NCKAP5: variants seen among roughly 807,000 people sequenced by gnomAD.
The protein encoded by NCKAP5 is NCK associated protein 5, also known as nck-associated protein 5.
In NCKAP5, 92 loss-of-function variants were observed where a neutral mutation model predicts 167.0. That is an observed-to-expected ratio of 0.55 (90% CI 0.47 to 0.66). NCKAP5 has a LOEUF of 0.66. Ranked by LOEUF, NCKAP5 falls within the 30% of genes least tolerant of loss-of-function variation. The pLI, the probability that NCKAP5 is intolerant of heterozygous loss-of-function variation, is 0.00. For synonymous variants in NCKAP5, 891 were observed against 877.4 expected (o/e 1.02, Z -0.27); for missense variants, 2,378 against 2,315.0 (o/e 1.03, Z -0.56).
At chr2:132,756,883 T>C (rs1680600391) in intron 16 of NCKAP5, among the ~76,000 whole-genome samples, 1 of 152,180 alleles carries the variant, frequency 6.6e-6, no homozygotes, top group South Asian at 2.1e-4. Context: ...CTTTAAAATA[T>C]ATTTCCCCTC....
intron 2 of NCKAP5, among the ~76,000 whole-genome samples, chr2:133,553,264 C>T (rs781386542): frequency 7.2e-5 from 11 of 152,160 alleles, no homozygotes; most frequent in Admixed American, 4.6e-4. Flanking sequence ...TCGCACTGGG[C>T]GCTCTATGCA....
At chr2:133,076,891 T>A (rs1360581789) in intron 6 of NCKAP5, among the ~76,000 whole-genome samples, 2 of 152,162 alleles carry the variant, frequency 1.3e-5, no homozygotes, top group Non-Finnish European at 1.5e-5. Context: ...ACTGACCACC[T>A]CTTTCTGCAG....
intron 18 of NCKAP5, among the ~76,000 whole-genome samples, chr2:132,725,967 C>G (rs1188678260): frequency 6.6e-6 from 1 of 152,136 alleles, no homozygotes; most frequent in Non-Finnish European, 1.5e-5. Context: ...TACTCAATTA[C>G]CAGAGCTGCA....
At chr2:132,684,293 G>T (rs2105065970) in intron 19 of NCKAP5, among the ~76,000 whole-genome samples, 1 of 152,334 alleles carries the variant, frequency 6.6e-6, no homozygotes, top group Admixed American at 6.5e-5. Flanking sequence ...AGTTAATTGT[G>T]TAACTCAGGG....
intron 8 of NCKAP5, among the ~76,000 whole-genome samples, chr2:132,945,135 C>A (rs991012619): frequency 6.6e-6 from 1 of 152,110 alleles, no homozygotes; most frequent in Non-Finnish European, 1.5e-5. Context: ...CCTCAGGGGA[C>A]AGGAGAAGGG....
At chr2:133,669,089 G>A in the NCKAP5 span, among the ~76,000 whole-genome samples, 3 of 152,260 alleles carry the variant, frequency 2.0e-5, no homozygotes, top group African/African-American at 7.2e-5. Context: ...TCATTAAACA[G>A]TGATATTTGG....
intron 3 of NCKAP5, among the ~76,000 whole-genome samples, chr2:133,354,847 T>C (rs1684602843): frequency 6.6e-6 from 1 of 152,150 alleles, no homozygotes; most frequent in African/African-American, 2.4e-5. Flanking sequence ...AAAGACATTC[T>C]AAAGAGGATG....
intron 19 of NCKAP5, among the ~76,000 whole-genome samples, chr2:132,691,010 T>C (rs1337803040): frequency 2.6e-5 from 4 of 152,238 alleles, no homozygotes; most frequent in African/African-American, 9.6e-5. Context: ...CTGTCTCCTG[T>C]TGAGTATCTC....
intron 3 of NCKAP5, among the ~76,000 whole-genome samples, chr2:133,420,847 C>G (rs915891665): frequency 1.3e-5 from 2 of 152,168 alleles, no homozygotes; most frequent in African/African-American, 4.8e-5. Context: ...AGTTCTGAAC[C>G]AGATTTGACT....
At chr2:133,119,389 T>G (rs539652362) in intron 6 of NCKAP5, among the ~76,000 whole-genome samples, 1 of 152,284 alleles carries the variant, frequency 6.6e-6, no homozygotes, top group African/African-American at 2.4e-5. Flanking sequence ...GTGATAATAA[T>G]TAAGTTCAAG....
the NCKAP5 span, among the ~76,000 whole-genome samples, chr2:133,650,755 G>A: frequency 1.6e-3 from 243 of 152,202 alleles, 5 homozygotes; most frequent in East Asian, 0.039. Context: ...GGTGGTGGGC[G>A]CCTGTAATCC....
intron 3 of NCKAP5, among the ~76,000 whole-genome samples, chr2:133,475,976 A>G (rs1679848164): frequency 6.6e-6 from 1 of 152,222 alleles, no homozygotes; most frequent in South Asian, 2.1e-4. Flanking sequence ...AAAGCAGAAC[A>G]GCAAGAACAA....
intron 5 of NCKAP5, among the ~76,000 whole-genome samples, chr2:133,141,703 C>T (rs1436641392): frequency 2.6e-5 from 4 of 152,194 alleles, no homozygotes; most frequent in Non-Finnish European, 4.4e-5. Flanking sequence ...TGCCTTCACA[C>T]TTCCCGTTTC....
intron 5 of NCKAP5, among the ~76,000 whole-genome samples, chr2:133,198,438 G>A (rs2085533397): frequency 2.0e-5 from 3 of 152,096 alleles, no homozygotes; most frequent in South Asian, 2.1e-4. Flanking sequence ...TCTAATGACT[G>A]TAGGTTTCTC....
intron 8 of NCKAP5, among the ~76,000 whole-genome samples, chr2:132,923,775 GA>G (rs949430759): frequency 1.3e-5 from 2 of 152,088 alleles, no homozygotes; most frequent in African/African-American, 4.8e-5. Flanking sequence ...TTATTTGGTA[GA>G]AAAAGCTAAT....
intron 15 of NCKAP5, among the ~76,000 whole-genome samples, chr2:132,778,554 T>G (rs1036365345): frequency 1.3e-5 from 2 of 152,192 alleles, no homozygotes; most frequent in African/African-American, 2.4e-5. Flanking sequence ...GGTGGTATAG[T>G]ACGTCATAAG....
At chr2:133,625,600 G>C in the NCKAP5 span, among the ~76,000 whole-genome samples, 5 of 152,108 alleles carry the variant, frequency 3.3e-5, no homozygotes, top group Admixed American at 6.5e-5. Context: ...AGAACAACTT[G>C]AGCAGCAATA....
chr2:133,521,095 AC>A (rs1178802930), intron 2 of NCKAP5, among the ~76,000 whole-genome samples: 4 of 152,214 alleles, frequency 2.6e-5, no homozygotes, highest in African/African-American at 9.6e-5. Context: ...AACCTGATTA[AC>A]AATGAAAATA....
At chr2:133,290,848 G>A (rs887918457) in intron 4 of NCKAP5, among the ~76,000 whole-genome samples, 3 of 150,902 alleles carry the variant, frequency 2.0e-5, no homozygotes, top group Non-Finnish European at 2.9e-5. Context: ...CAGAGTCCTG[G>A]ACTCAAACCA....
Sources: allele counts gnomAD v4.1 joint callset (sites outside exome capture counted in the v4.1 genomes callset), GRCh38; gene constraint gnomAD v4.1.1; transcripts MANE v1.5; gene names NCBI Gene and HGNC (gene_info 2026-07-23, HGNC 2026-07-21).